Variants in GAS6 observed in about 807,000 individuals in gnomAD.
GAS6 encodes growth arrest specific 6.
In GAS6, 41 loss-of-function variants were observed where a neutral mutation model predicts 75.8. The observed-to-expected ratio is 0.54, with a 90% CI of 0.42 to 0.70. GAS6 has a LOEUF of 0.70. Ranked by LOEUF, GAS6 falls within the 30% of genes least tolerant of loss-of-function variation. GAS6 has a pLI of 0.00. For synonymous variants in GAS6, 432 were observed against 412.6 expected (o/e 1.05, Z -0.57); for missense variants, 854 against 940.2 (o/e 0.91, Z 1.20).
chr13:113,824,225 C>T (rs1361867659), intron 12 of GAS6, among the ~76,000 whole-genome samples: 5 of 113,300 alleles, frequency 4.4e-5, no homozygotes, highest in Admixed American at 8.8e-5. Context: ...CGGGAGCACG[C>T]GCGGTCTGGG....
intron 14 of GAS6, chr13:113,821,576 T>G (rs951625978): frequency 3.8e-6 from 1 of 261,342 alleles, no homozygotes; most frequent in Non-Finnish European, 7.3e-6. Context: ...GGGCTGGCGG[T>G]CACTCTGTTC....
At chr13:113,823,310 G>C in intron 13 of GAS6, 65 bp downstream of exon 13, 1 of 1,501,978 alleles carries the variant, frequency 6.7e-7, no homozygotes, top group Non-Finnish European at 9.0e-7. Context: ...TCCCCTGCCA[G>C]GGAGTGCAGC....
At chr13:113,829,269 G>T (rs2051595834) in intron 10 of GAS6, among the ~76,000 whole-genome samples, 1 of 148,200 alleles carries the variant, frequency 6.7e-6, no homozygotes, top group East Asian at 2.0e-4. Context: ...GGGCCAAGAG[G>T]GTCCCAATCT....
Position 113,863,776 on chromosome 13 carries a change from G to C in GAS6, c.89-35C>G, listed in dbSNP as rs758042874. The C allele has an allele frequency of 7.0e-6, 10 of 1,435,806 alleles. No individual in the cohort carries two copies. Among genetic ancestry groups the C allele is most frequent in the Non-Finnish European group, 9.1e-6 (10 of 1,104,954 alleles). The allele number at this position is 1,435,806 out of a possible 1,614,324, so 88.9% of individuals were successfully genotyped here. ...GGGAGAGAGGGGGACGCGTCAAGCC[G>C]CGCCCGGAGCCTCCTCCCGCCGCCC... On this transcript the variant is annotated intron_variant, in intron 1 of 14. Transcript: ENST00000327773. This position sits in a 1 kb window ranked among gnomAD's most constrained non-coding sequence, Gnocchi z 9.4.
At chr13:113,842,711 T>G in intron 4 of GAS6, 2 of 396,926 alleles carry the variant, frequency 5.0e-6, no homozygotes, top group Admixed American at 4.4e-5. Flanking sequence ...GAACCTGACC[T>G]CCTCAGAGGC....
In GAS6 at chr13:113,863,424, G is replaced by T. The variant is rs534528908; in HGVS notation, c.255+151C>A. On this transcript the variant is annotated intron_variant, in intron 2 of 14. Coordinates refer to ENST00000327773, the MANE Select transcript of GAS6 (RefSeq NM_000820.4). This position sits in a 1 kb window ranked among gnomAD's most constrained non-coding sequence, Gnocchi z 9.4. ...CCCGGGGTCGCCGGGGGATGGGCGT[G>T]GGGGACGCGGGGCGGGCCGGGGCTC... 4 of 677,504 alleles carry T rather than the reference G, an allele frequency of 5.9e-6. No individual in the cohort carries two copies. The highest frequency in any genetic ancestry group is 8.4e-6 in the Non-Finnish European group (4 of 473,528). 42.0% of individuals were successfully genotyped at this position (677,504 alleles called of 1,614,324 possible). A position where few individuals can be genotyped will look rare whatever the true frequency, so the allele number is the denominator to read the frequency against.
At chr13:113,835,443 G>C in intron 7 of GAS6, 70 bp downstream of exon 7, 1 of 1,565,622 alleles carries the variant, frequency 6.4e-7, no homozygotes, top group Non-Finnish European at 8.7e-7. Context: ...AACCGGCTCG[G>C]GCAGTGACTG....
At chr13:113,828,308 A>C (rs2051580486) in intron 11 of GAS6, among the ~76,000 whole-genome samples, 1 of 152,246 alleles carries the variant, frequency 6.6e-6, no homozygotes, top group African/African-American at 2.4e-5. Flanking sequence ...TCCATTGAAA[A>C]ATAGACAACT....
intron 5 of GAS6, chr13:113,839,488 A>G: frequency 2.1e-6 from 1 of 477,660 alleles, no homozygotes; most frequent in Non-Finnish European, 3.6e-6. Context: ...CCGCCCTTCA[A>G]TCAGTGGGTG....
rs959058179 is a variant in GAS6, at chr13:113,863,518, G to A, written c.255+57C>T. 74 of 1,465,810 alleles carry A rather than the reference G, an allele frequency of 5.0e-5. 1 individual carries two copies. In the Admixed American group the frequency reaches 1.7e-3, roughly 33 times the overall value. 90.8% of individuals were successfully genotyped at this position (1,465,810 alleles called of 1,614,324 possible). ...GGCAGCAGCGCTGCCTCTCGGGAGC[G>A]GTTGGAGGCGCGCGGGCGCCAGGGG... is the stretch of plus-strand genomic sequence containing the variant. On this transcript the variant is annotated intron_variant, in intron 2 of 14. Coordinates refer to ENST00000327773, the MANE Select transcript of GAS6 (RefSeq NM_000820.4). The surrounding 1 kb of genome is among the most constrained non-coding windows in gnomAD (Gnocchi z 9.4).
chr13:113,845,803 G>A lies in GAS6; in HGVS notation c.343+724C>T, dbSNP rs1176768706. The stretch of plus-strand genomic sequence containing the variant: ...TCATTTCTCGCCTGTTACATTGGAA[G>A]AGATCAAAAGTTTAAAAAAACAGTT... On this transcript the variant is annotated intron_variant, in intron 4 of 14. Coordinates refer to ENST00000327773, the MANE Select transcript of GAS6 (RefSeq NM_000820.4). This position sits in a 1 kb window ranked among gnomAD's most constrained non-coding sequence, Gnocchi z 4.3. The A allele has an allele frequency of 6.6e-6, 1 of 151,178 alleles. No homozygotes were observed. The highest frequency in any genetic ancestry group is 1.5e-5 in the Non-Finnish European group (1 of 67,896). 9.4% of individuals were successfully genotyped at this position (151,178 alleles called of 1,614,324 possible). A position where few individuals can be genotyped will look rare whatever the true frequency, so the allele number is the denominator to read the frequency against.
In GAS6 at chr13:113,837,943, G is replaced by T; in HGVS notation, c.589+126C>A. On this transcript the variant is annotated intron_variant, in intron 6 of 14. Transcript: ENST00000327773. This position sits in a 1 kb window ranked among gnomAD's most constrained non-coding sequence, Gnocchi z 5.1. ...GCCTGGGCTTGTGTAGTCTCTGCAG[G>T]ATGCCCCATCCCATCCAGAACCACA... 1 of 1,150,634 alleles carries T rather than the reference G, an allele frequency of 8.7e-7. No individual in the cohort carries two copies. Among genetic ancestry groups the T allele is most frequent in the Non-Finnish European group, 1.2e-6 (1 of 803,686 alleles). 71.3% of individuals were successfully genotyped at this position (1,150,634 alleles called of 1,614,324 possible). A position where few individuals can be genotyped will look rare whatever the true frequency, so the allele number is the denominator to read the frequency against.
At chr13:113,827,502 G>C (rs2051565524) in intron 11 of GAS6, among the ~76,000 whole-genome samples, 1 of 152,196 alleles carries the variant, frequency 6.6e-6, no homozygotes, top group African/African-American at 2.4e-5. Flanking sequence ...ATATGGCTGT[G>C]GGCAAATCAG....
At chr13:113,852,829 G>A (rs1282728739) in intron 2 of GAS6, among the ~76,000 whole-genome samples, 1 of 152,234 alleles carries the variant, frequency 6.6e-6, no homozygotes, top group Non-Finnish European at 1.5e-5. Context: ...CCTACCAGCA[G>A]GGCACTGCGG....
Position 113,832,345 on chromosome 13 carries a change from C to A in GAS6, c.1097G>T (p.Arg366Leu). Residue 366 changes from arginine (R) to leucine (L), a missense_variant, in exon 10 of 15, where the codon CGT becomes CTT. By Grantham distance (102) the Arg-to-Leu change is moderately radical. Transcript: ENST00000327773. ...GATGACCGGGCCGCTGCTGGTGACACGGCCGACACCGTTGTAGCGCAGCTG... is the reference window on the plus strand; with the variant it reads ...GATGACCGGGCCGCTGCTGGTGACAAGGCCGACACCGTTGTAGCGCAGCTG... ...ELQLRYNGVG[R>L]VTSSGPVINH... The A allele has an allele frequency of 6.2e-7, 1 of 1,604,772 alleles. No homozygotes were observed. Among genetic ancestry groups the A allele is most frequent in the South Asian group, 1.1e-5 (1 of 91,042 alleles).
chr13:113,825,207 G>A (rs1346477803), intron 12 of GAS6, among the ~76,000 whole-genome samples: 1 of 145,184 alleles, frequency 6.9e-6, no homozygotes, highest in Non-Finnish European at 1.5e-5. Flanking sequence ...GTACTCCAGT[G>A]TGGGCAACAA....
rs138970432 is a variant in GAS6, at chr13:113,825,169, T to A, written c.1478-1619A>T. On this transcript the variant is annotated intron_variant, in intron 12 of 14. Coordinates refer to ENST00000327773, the MANE Select transcript of GAS6 (RefSeq NM_000820.4). ...GGAGGCGGAGGTTGTGGTATGAACC[T>A]GGGAGGTGGAGCCAAGATCGTGCCA... is the stretch of plus-strand genomic sequence containing the variant. Among the ~76,000 whole-genome samples, 45 of 129,830 alleles carry A rather than the reference T, an allele frequency of 3.5e-4. No individual in the cohort carries two copies. In the East Asian group the frequency reaches 9.9e-3, roughly 29 times the overall value. 85.2% of individuals were successfully genotyped at this position (129,830 alleles called of 152,430 possible). A position where few individuals can be genotyped will look rare whatever the true frequency, so the allele number is the denominator to read the frequency against.
chr13:113,824,163 T>A (rs112911559), intron 12 of GAS6, among the ~76,000 whole-genome samples: 2 of 52,484 alleles, frequency 3.8e-5, no homozygotes, highest in East Asian at 5.9e-4. Context: ...GGAGCACGCG[T>A]GGTCTGGGGT....
rs868435784 is a variant in GAS6 at position 113,826,618 on chromosome 13, C to T, written c.1477+378G>A. The stretch of plus-strand genomic sequence containing the variant: ...CCTTCTCTCCCCGGCCTCCCGGCGC[C>T]GGCCTCGCAGGCACCTTCTCTCCCC... On this transcript the variant is annotated intron_variant, in intron 12 of 14. Transcript: ENST00000327773. Among the ~76,000 whole-genome samples, 34 of 68,808 alleles carry T rather than the reference C, an allele frequency of 4.9e-4. 2 individuals carry two copies. The highest frequency in any genetic ancestry group is 3.0e-3 in the South Asian group (5 of 1,688). 45.1% of individuals were successfully genotyped at this position (68,808 alleles called of 152,430 possible). A position where few individuals can be genotyped will look rare whatever the true frequency, so the allele number is the denominator to read the frequency against.
Sources: allele counts gnomAD v4.1 joint callset (sites outside exome capture counted in the v4.1 genomes callset), GRCh38; gene constraint gnomAD v4.1.1; non-coding constraint Gnocchi (gnomAD v3.1); transcripts MANE v1.5; gene names NCBI Gene and HGNC (gene_info 2026-07-23, HGNC 2026-07-21).